EIF2B3: variants seen among roughly 807,000 people sequenced by gnomAD.
EIF2B3 encodes the protein translation initiation factor eIF2B subunit gamma.
A neutral mutation model predicts 54.1 loss-of-function variants in EIF2B3; 20 were observed. The ratio of observed to expected loss-of-function variants is 0.37; its 90% CI spans 0.26 to 0.54. The LOEUF (loss-of-function observed/expected upper bound fraction) is 0.54. Ranked by LOEUF, EIF2B3 falls within the 20% of genes least tolerant of loss-of-function variation. EIF2B3 has a pLI of 0.86. For synonymous variants in EIF2B3, 153 were observed against 188.1 expected, an observed-to-expected ratio of 0.81 and a Z score of 1.52; for missense variants, 448 against 547.8, an observed-to-expected ratio of 0.82 and a Z score of 1.82.
At chr1:44,952,072 C>G (rs1644169447) in intron 3 of EIF2B3, among the ~76,000 whole-genome samples, 1 of 130,512 alleles carries the variant, frequency 7.7e-6, no homozygotes, top group Non-Finnish European at 1.7e-5. Context: ...ACGCCATTCT[C>G]CTGCCTCAGC....
At chr1:44,932,208 A>C (rs1643902777) in intron 4 of EIF2B3, 1 of 152,180 alleles carries the variant, frequency 6.6e-6, no homozygotes, top group Non-Finnish European at 1.5e-5. Context: ...ATCAGGAATG[A>C]GAAAAGGGTG....
In EIF2B3 at chr1:44,930,012, C is replaced by T. The variant is rs1004613595; in HGVS notation, c.455-3273G>A. 3.3e-5 allele frequency among the ~76,000 whole-genome samples: 5 copies of T among 152,258 alleles called. No individual in the cohort carries two copies. In the South Asian group the frequency reaches 8.3e-4, roughly 25 times the overall value. Reference sequence around the variant, plus strand: ...TGTCTTCCTAAGAAGAAAGGCTACACAAACTTAAGAAAGCAGACAAAACTG... The same window carrying T: ...TGTCTTCCTAAGAAGAAAGGCTACATAAACTTAAGAAAGCAGACAAAACTG... On this transcript the variant is annotated intron_variant, in intron 4 of 11. Coordinates refer to ENST00000360403, the MANE Select transcript of EIF2B3 (RefSeq NM_020365.5).
chr1:44,901,768 C>A (rs1487832986), intron 5 of EIF2B3, among the ~76,000 whole-genome samples: 1 of 151,902 alleles, frequency 6.6e-6, no homozygotes, highest in Non-Finnish European at 1.5e-5. Flanking sequence ...GCCATGTTCC[C>A]CAGGCTGGTC....
chr1:44,860,437 T>C (rs953791137), intron 10 of EIF2B3, among the ~76,000 whole-genome samples: 5 of 152,228 alleles, frequency 3.3e-5, no homozygotes. Flanking sequence ...GAGCTAAATG[T>C]ATTTAACTAG....
chr1:44,940,468 G>A (rs1426573770), intron 4 of EIF2B3, among the ~76,000 whole-genome samples: 3 of 152,066 alleles, frequency 2.0e-5, no homozygotes, highest in Non-Finnish European at 4.4e-5. Context: ...AGGAAGATAA[G>A]CATGATTAAC....
chr1:44,909,319 AT>A (rs113109195), intron 5 of EIF2B3, among the ~76,000 whole-genome samples: 5,500 of 145,642 alleles, frequency 0.038, 234 homozygotes, highest in African/African-American at 0.1. Context: ...GTCAGTACAG[AT>A]TTTTTTTTTT....
chr1:44,938,783 C>G (rs1384310217), intron 4 of EIF2B3, among the ~76,000 whole-genome samples: 6 of 151,948 alleles, frequency 3.9e-5, no homozygotes, highest in Admixed American at 2.0e-4. Flanking sequence ...CATGGTGCCC[C>G]CCAGTATCTT....
chr1:44,980,878 AG>A, intron 2 of EIF2B3, 142 bp downstream of exon 2: 1 of 961,478 alleles, frequency 1.0e-6, no homozygotes, highest in Non-Finnish European at 1.6e-6. Context: ...ACAGCAATAG[AG>A]TACTCCTACA....
At chr1:44,959,339 T>A (rs1185466703) in intron 3 of EIF2B3, 2 of 607,392 alleles carry the variant, frequency 3.3e-6, no homozygotes, top group Non-Finnish European at 6.0e-6. Context: ...CCTCTCTGAG[T>A]GGTGAATTAG....
At chr1:44,870,845 G>A (rs1654942470) in intron 10 of EIF2B3, among the ~76,000 whole-genome samples, 1 of 151,898 alleles carries the variant, frequency 6.6e-6, no homozygotes, top group South Asian at 2.1e-4. Flanking sequence ...TAGAGATGGG[G>A]TTTCGCCATG....
chr1:44,947,699 C>G (rs1247233770), intron 3 of EIF2B3, among the ~76,000 whole-genome samples: 1 of 152,154 alleles, frequency 6.6e-6, no homozygotes. Context: ...TCTACTCACC[C>G]AGTGCTTCCA....
chr1:44,909,001 G>A (rs1283581752), intron 5 of EIF2B3, among the ~76,000 whole-genome samples: 3 of 152,202 alleles, frequency 2.0e-5, no homozygotes, highest in African/African-American at 7.2e-5. Flanking sequence ...ATGAAGAGTG[G>A]TTCTGAGGGT....
intron 3 of EIF2B3, among the ~76,000 whole-genome samples, chr1:44,975,972 G>C (rs1044107881): frequency 3.3e-5 from 5 of 152,046 alleles, no homozygotes; most frequent in Non-Finnish European, 5.9e-5. Flanking sequence ...ACTCAGCCTG[G>C]GTGAGAGAGC....
Position 44,958,786 on chromosome 1 carries a change from T to C in EIF2B3, c.295-17121A>G. ...TCAGAGAAATATAAAGCTATGGTATTGGCAGGACTGCGACAAGAGATCGTG... is the reference window on the plus strand; with the variant it reads ...TCAGAGAAATATAAAGCTATGGTATCGGCAGGACTGCGACAAGAGATCGTG... On this transcript the variant is annotated intron_variant, in intron 3 of 11. Coordinates refer to ENST00000360403, the MANE Select transcript of EIF2B3 (RefSeq NM_020365.5). 3 of 1,398,916 alleles carry C rather than the reference T, an allele frequency of 2.1e-6. No individual in the cohort carries two copies. The South Asian group carries it at 3.5e-5, about 16-fold the overall frequency. 86.7% of individuals were successfully genotyped at this position (1,398,916 alleles called of 1,614,324 possible).
At chr1:44,876,857 A>ATTC (rs1373431430) in intron 8 of EIF2B3, among the ~76,000 whole-genome samples, 3 of 141,388 alleles carry the variant, frequency 2.1e-5, no homozygotes, top group Non-Finnish European at 4.6e-5. Flanking sequence ...ACTAAGAAAA[A>ATTC]TTCTTCTGCC....
At chr1:44,937,533 A>G (rs1291186209) in intron 4 of EIF2B3, among the ~76,000 whole-genome samples, 1 of 152,210 alleles carries the variant, frequency 6.6e-6, no homozygotes, top group African/African-American at 2.4e-5. Flanking sequence ...GATTTGGAAT[A>G]TATGTGTTCG....
At chr1:44,935,781 G>A (rs1350552892) in intron 4 of EIF2B3, among the ~76,000 whole-genome samples, 3 of 152,166 alleles carry the variant, frequency 2.0e-5, no homozygotes, top group South Asian at 2.1e-4. Context: ...GATTATAGGC[G>A]TGAGCCACTG....
At chr1:44,878,470 C>G (rs962402189) in intron 8 of EIF2B3, among the ~76,000 whole-genome samples, 1 of 152,096 alleles carries the variant, frequency 6.6e-6, no homozygotes, top group Non-Finnish European at 1.5e-5. Context: ...ACCATGTTGG[C>G]CAGCCTGGTC....
At chr1:44,868,631 G>C (rs1054465235) in intron 10 of EIF2B3, among the ~76,000 whole-genome samples, 1 of 151,788 alleles carries the variant, frequency 6.6e-6, no homozygotes, top group Non-Finnish European at 1.5e-5. Context: ...CACTGTGTCC[G>C]GCCCTGCCCA....
Sources: allele counts gnomAD v4.1 joint callset (sites outside exome capture counted in the v4.1 genomes callset), GRCh38; gene constraint gnomAD v4.1.1; transcripts MANE v1.5; gene names NCBI Gene and HGNC (gene_info 2026-07-23, HGNC 2026-07-21).